PAPOLA: variants seen among roughly 807,000 people sequenced by gnomAD.
PAPOLA encodes polynucleotide adenylyltransferase alpha.
Under a neutral mutation model 100.6 loss-of-function variants are expected in PAPOLA, and 15 were observed. That is an observed-to-expected ratio of 0.15 (90% CI 0.10 to 0.23). PAPOLA has a LOEUF of 0.23. Among genes scored for constraint, PAPOLA ranks in the 10% least tolerant of loss-of-function variants. The pLI, the probability that PAPOLA is intolerant of heterozygous loss-of-function variation, is 1.00. For missense variants in PAPOLA, 533 were observed against 884.2 expected, an observed-to-expected ratio of 0.60 and a Z score of 5.04; for synonymous variants, 293 against 300.0, an observed-to-expected ratio of 0.98 and a Z score of 0.24.
Position 96,538,822 on chromosome 14 carries a change from A to C in PAPOLA, c.1115+1762A>C, listed in dbSNP as rs80343627. Among the ~76,000 whole-genome samples, 19 of 152,170 alleles carry C rather than the reference A, an allele frequency of 1.2e-4. No homozygotes were observed. In the East Asian group the frequency reaches 3.3e-3, roughly 26 times the overall value. On this transcript the variant is annotated intron_variant, in intron 12 of 21. Transcript: ENST00000216277. ...ACTCCAAAGATTGACTGTACAACCA[A>C]ATGGAAATGTTTAGTCTTCCCATGA...
chr14:96,520,311 C>A, intron 2 of PAPOLA, 83 bp downstream of exon 2: 1 of 991,732 alleles, frequency 1.0e-6, no homozygotes, highest in Non-Finnish European at 1.5e-6. Context: ...TCTCTACTTA[C>A]TTAGAAGACC....
At chr14:96,522,109 T>C (rs1898024681) in intron 3 of PAPOLA, among the ~76,000 whole-genome samples, 1 of 116,200 alleles carries the variant, frequency 8.6e-6, no homozygotes, top group South Asian at 3.1e-4. Context: ...AGCCTCTTTC[T>C]TTCTTTCTTT....
At chr14:96,559,581 C>CTCTCTATATATATATATA (rs370979875) in intron 19 of PAPOLA, among the ~76,000 whole-genome samples, 1 of 120,182 alleles carries the variant, frequency 8.3e-6, no homozygotes, top group African/African-American at 3.4e-5. Flanking sequence ...CTCTCTCTCT[C>CTCTCTATATATATATATA]TATATATATA....
At chr14:96,517,820 C>T (rs1342182050) in intron 1 of PAPOLA, among the ~76,000 whole-genome samples, 1 of 151,846 alleles carries the variant, frequency 6.6e-6, no homozygotes. Flanking sequence ...GCTCCTGCCT[C>T]AGCCTACTGA....
chr14:96,516,309 C>T (rs369199691), intron 1 of PAPOLA, among the ~76,000 whole-genome samples: 11 of 151,936 alleles, frequency 7.2e-5, no homozygotes, highest in South Asian at 6.2e-4. Context: ...TCTATGTTAA[C>T]GTAGTTTTTC....
At position 96,531,487 on chromosome 14, in the gene PAPOLA, T is replaced by A; in HGVS notation, c.508T>A (p.Phe170Ile). 1 of 1,604,980 alleles carries A rather than the reference T, an allele frequency of 6.2e-7. No individual in the cohort carries two copies. Among genetic ancestry groups the A allele is most frequent in the Non-Finnish European group, 8.5e-7 (1 of 1,175,334 alleles). Residue 170 changes from phenylalanine (F) to isoleucine (I), a missense_variant, in exon 7 of 22, where the codon TTT becomes ATT. Phe to Ile is a conservative substitution (Grantham distance 21). Transcript: ENST00000216277. ...GTTTGTGTTTCAGATTGATATTTTG[T>A]TTGCAAGATTAGCACTGCAGACAAT... The part of the protein sequence containing the change: ...CFDGIEIDIL[F>I]ARLALQTIPE...
Position 96,502,454 on chromosome 14 carries a change from G to T in PAPOLA, c.-139G>T. On this transcript the variant is annotated 5_prime_UTR_variant, in exon 1 of 22. Transcript: ENST00000216277. Reference sequence around the variant, plus strand: ...AAGGAGGAGAAGCGCTTAAAGCGGCGGGAGCGGTGCGGGAGAGGGGTTGGA... The same window carrying T: ...AAGGAGGAGAAGCGCTTAAAGCGGCTGGAGCGGTGCGGGAGAGGGGTTGGA... The T allele has an allele frequency of 2.8e-6, 2 of 715,936 alleles. No homozygotes were observed. Among genetic ancestry groups the T allele is most frequent in the South Asian group, 1.5e-5 (1 of 65,448 alleles). 44.3% of individuals were successfully genotyped at this position (715,936 alleles called of 1,614,324 possible).
chr14:96,561,759 C>T (rs1901859991), intron 20 of PAPOLA, among the ~76,000 whole-genome samples: 1 of 151,282 alleles, frequency 6.6e-6, no homozygotes, highest in African/African-American at 2.4e-5. Flanking sequence ...AGGAAGGCTG[C>T]ATGTCTTCCA....
At chr14:96,559,574 T>TCTC (rs1478058082) in intron 19 of PAPOLA, among the ~76,000 whole-genome samples, 1 of 118,722 alleles carries the variant, frequency 8.4e-6, no homozygotes, top group Non-Finnish European at 1.7e-5. Flanking sequence ...TCTCTCTCTC[T>TCTC]CTCTCTCTAT....
chr14:96,545,425 A>G (rs1024730018), intron 15 of PAPOLA, among the ~76,000 whole-genome samples: 1 of 152,092 alleles, frequency 6.6e-6, no homozygotes, highest in African/African-American at 2.4e-5. Flanking sequence ...GGATTCAGCT[A>G]TCACCAGCAG....
intron 17 of PAPOLA, 41 bp from the exon 18 acceptor site, chr14:96,555,805 AT>A: frequency 1.9e-6 from 2 of 1,031,434 alleles, no homozygotes; most frequent in South Asian, 1.7e-5. Flanking sequence ...TTATTTTTCT[AT>A]TTTTAAATTT....
intron 15 of PAPOLA, among the ~76,000 whole-genome samples, chr14:96,544,806 A>C (rs772703226): frequency 2.5e-4 from 38 of 152,090 alleles, no homozygotes; most frequent in Non-Finnish European, 3.1e-4. Flanking sequence ...GAAATTGATG[A>C]AGCAGAACTT....
At chr14:96,543,782 G>C (rs935870946) in intron 14 of PAPOLA, among the ~76,000 whole-genome samples, 3 of 151,914 alleles carry the variant, frequency 2.0e-5, no homozygotes, top group Non-Finnish European at 4.4e-5. Flanking sequence ...TTAAATTTCT[G>C]TATTTAGAAA....
intron 9 of PAPOLA, chr14:96,533,575 G>C: frequency 7.9e-6 from 7 of 885,230 alleles, no homozygotes; most frequent in Non-Finnish European, 9.2e-6. Flanking sequence ...TTTTGTTTGA[G>C]ACGGAGTCTC....
chr14:96,505,917 C>G (rs1422953891), intron 1 of PAPOLA, among the ~76,000 whole-genome samples: 2 of 152,070 alleles, frequency 1.3e-5, no homozygotes, highest in African/African-American at 2.4e-5. Context: ...TTGCTTCCTT[C>G]CGTTCTTGAC....
At chr14:96,533,508 A>G (rs1414354013) in intron 9 of PAPOLA, 1 of 946,862 alleles carries the variant, frequency 1.1e-6, no homozygotes, top group East Asian at 1.2e-4. Flanking sequence ...AGTAGCACTT[A>G]TAATCAGGTG....
rs189771499 is a variant in PAPOLA at position 96,527,552 on chromosome 14, T to C, written c.441+13T>C. The C allele has an allele frequency of 1.5e-6, 2 of 1,348,932 alleles. No homozygotes were observed. The highest frequency in any genetic ancestry group is 4.6e-5 in the East Asian group (2 of 43,642). 83.6% of individuals were successfully genotyped at this position (1,348,932 alleles called of 1,614,324 possible). ...AAAAGATTTAAGAGTGCGTAAATGTTCGGGGTGAAATGGGATGAGTTATGA... is the reference window on the plus strand; with the variant it reads ...AAAAGATTTAAGAGTGCGTAAATGTCCGGGGTGAAATGGGATGAGTTATGA... On this transcript the variant is annotated intron_variant, in intron 5 of 21. Transcript: ENST00000216277.
intron 21 of PAPOLA, among the ~76,000 whole-genome samples, chr14:96,564,090 T>G (rs1902090057): frequency 6.6e-6 from 1 of 152,092 alleles, no homozygotes; most frequent in Admixed American, 6.6e-5. Flanking sequence ...AAAAAAAAAT[T>G]CATTCCTATC....
chr14:96,550,252 T>C (rs1248742692), intron 16 of PAPOLA, among the ~76,000 whole-genome samples: 2 of 152,226 alleles, frequency 1.3e-5, no homozygotes, highest in Non-Finnish European at 2.9e-5. Context: ...TATGAATATT[T>C]AATTCATAAT....
Sources: allele counts gnomAD v4.1 joint callset (sites outside exome capture counted in the v4.1 genomes callset), GRCh38; gene constraint gnomAD v4.1.1; transcripts MANE v1.5; gene names NCBI Gene and HGNC (gene_info 2026-07-23, HGNC 2026-07-21).